Variants in DMXL1 observed in about 807,000 individuals in gnomAD.
The protein encoded by DMXL1 is Dmx like 1.
A neutral mutation model predicts 319.2 loss-of-function variants in DMXL1; 99 were observed. That is an observed-to-expected ratio of 0.31 (90% confidence interval 0.26 to 0.37). The LOEUF (loss-of-function observed/expected upper bound fraction) is 0.37, where lower values mean the gene tolerates loss of function less well. DMXL1 is among the 10% of genes least tolerant of loss of function. The probability of loss-of-function intolerance (pLI) is 1.00; values close to 1 mark genes in which losing one functional copy is unlikely to be tolerated. For missense variants in DMXL1, 3,745 were observed against 3,595.6 expected (o/e 1.04, Z -1.06); for synonymous variants, 1,385 against 1,235.2 (o/e 1.12, Z -2.54).
intron 43 of DMXL1, among the ~76,000 whole-genome samples, chr5:119,244,949 A>G (rs1326986517): frequency 6.6e-6 from 1 of 152,150 alleles, no homozygotes; most frequent in Admixed American, 6.5e-5. Context: ...AGTTTTTCAT[A>G]TATATTATTA....
intron 28 of DMXL1, among the ~76,000 whole-genome samples, chr5:119,187,267 C>T (rs2150358948): frequency 6.6e-6 from 1 of 152,226 alleles, no homozygotes; most frequent in East Asian, 1.9e-4. Context: ...TATTTTCTTT[C>T]TTCTGTTACT....
At chr5:119,163,416 T>A (rs888988071) in intron 19 of DMXL1, among the ~76,000 whole-genome samples, 21 of 152,240 alleles carry the variant, frequency 1.4e-4, no homozygotes, top group Non-Finnish European at 2.6e-4. Context: ...ATTTATTTTT[T>A]GTTTTTATTT....
chr5:119,155,334 G>C (rs1222595908), intron 19 of DMXL1, among the ~76,000 whole-genome samples: 1 of 152,174 alleles, frequency 6.6e-6, no homozygotes, highest in Admixed American at 6.5e-5. Flanking sequence ...CATTCTAGAT[G>C]CCATTGGGGA....
chr5:119,173,601 A>G (rs973957344), intron 25 of DMXL1, among the ~76,000 whole-genome samples: 1 of 151,156 alleles, frequency 6.6e-6, no homozygotes, highest in African/African-American at 2.4e-5. Context: ...GGTCATATGT[A>G]TCTCATCCTC....
chr5:119,121,916 C>A (rs1382625255), intron 9 of DMXL1, among the ~76,000 whole-genome samples: 7 of 137,980 alleles, frequency 5.1e-5, no homozygotes, highest in Non-Finnish European at 7.9e-5. Flanking sequence ...GGGGGCTGAC[C>A]CCCCCCACCT....
rs1325619883 is a variant in DMXL1, at chr5:119,082,016, TATATACACACACACACACACACACAC to T, written c.87+10362_87+10387del. Among the ~76,000 whole-genome samples, 606 of 78,724 alleles carry T rather than the reference TATATACACACACACACACACACACAC, an allele frequency of 7.7e-3. 6 individuals are homozygous for T. Among genetic ancestry groups the T allele is most frequent in the African/African-American group, 0.022 (595 of 27,376 alleles). 51.6% of individuals were successfully genotyped at this position (78,724 alleles called of 152,430 possible). A position where few individuals can be genotyped will look rare whatever the true frequency, so the allele number is the denominator to read the frequency against. Reference sequence around the variant, plus strand: ...TTAAGGTTATATATATATATATATATATATACACACACACACACACACACACACACACACACACACATACACGTATA... The same window carrying T: ...TTAAGGTTATATATATATATATATATACACACACACACACATACACGTATA... On this transcript the variant is annotated intron_variant, in intron 1 of 43. Coordinates refer to ENST00000539542, the MANE Select transcript of DMXL1 (RefSeq NM_001290321.3).
chr5:119,111,527 T>C (rs1255539323), intron 5 of DMXL1, among the ~76,000 whole-genome samples: 1 of 152,244 alleles, frequency 6.6e-6, no homozygotes, highest in Non-Finnish European at 1.5e-5. Context: ...ATTTATGTTA[T>C]ATTGCTGTTC....
chr5:119,212,516 A>T (rs984657014), intron 34 of DMXL1, among the ~76,000 whole-genome samples: 1 of 152,208 alleles, frequency 6.6e-6, no homozygotes, highest in African/African-American at 2.4e-5. Context: ...ATGAACATTG[A>T]TATACAAATA....
intron 39 of DMXL1, among the ~76,000 whole-genome samples, chr5:119,236,015 A>G (rs917940133): frequency 5.2e-4 from 79 of 152,250 alleles, no homozygotes; most frequent in African/African-American, 1.9e-3. Context: ...AACAAATATA[A>G]AAACAGTAGG....
chr5:119,239,062 G>T lies in DMXL1; in HGVS notation c.8633G>T (p.Gly2878Val). 6.2e-7 allele frequency: 1 copy of T among 1,613,736 alleles called. No individual in the cohort carries two copies. The highest frequency in any genetic ancestry group is 8.5e-7 in the Non-Finnish European group (1 of 1,179,904). Residue 2878 changes from glycine to valine, a missense_variant, in exon 41 of 44, where the codon GGT becomes GTT. Around this residue, in one of 4 missense-constraint regions of DMXL1, gnomAD observed 262 missense variants for 320.5 expected, o/e 0.82. Coordinates refer to ENST00000539542, the MANE Select transcript of DMXL1 (RefSeq NM_001290321.3). ...TCCTCCTCTCTGATAGCTACAGCTG[G>T]TCTTTCAACTGACAATAGGTAAGAG... is the stretch of plus-strand genomic sequence containing the variant. Reference protein sequence around the residue: ...VSSSSLIATAGLSTDNRNVCL... With the variant: ...VSSSSLIATAVLSTDNRNVCL...
chr5:119,225,423 C>T (rs542601037), intron 38 of DMXL1, among the ~76,000 whole-genome samples: 1 of 152,004 alleles, frequency 6.6e-6, no homozygotes, highest in African/African-American at 2.4e-5. Flanking sequence ...AATCAATACT[C>T]ATACTGGTGT....
chr5:119,239,523 A>T (rs991596995), intron 41 of DMXL1, among the ~76,000 whole-genome samples: 1 of 152,228 alleles, frequency 6.6e-6, no homozygotes, highest in African/African-American at 2.4e-5. Flanking sequence ...CTGTTAATGT[A>T]TGTCAGTCCA....
Position 119,133,968 on chromosome 5 carries a change from T to C in DMXL1, c.2044T>C (p.Ser682Pro). 1 of 1,614,188 alleles carries C rather than the reference T, an allele frequency of 6.2e-7. No homozygotes were observed. Among genetic ancestry groups the C allele is most frequent in the Non-Finnish European group, 8.5e-7 (1 of 1,180,040 alleles). Residue 682 changes from serine to proline, a missense_variant, in exon 12 of 44, where the codon TCT (serine) becomes CCT (proline). Ser to Pro is a moderately conservative substitution (Grantham distance 74). Coordinates refer to ENST00000539542, the MANE Select transcript of DMXL1 (RefSeq NM_001290321.3). ...PFDALNIEEC[S>P]LTQQNKSTVD... The stretch of plus-strand genomic sequence containing the variant: ...TGATGCTCTAAATATTGAAGAATGC[T>C]CTTTGACACAACAAAATAAAAGCAC...
rs989426592 is a variant in DMXL1 at position 119,071,275 on chromosome 5, C to G, written c.-295C>G. 1.5e-5 allele frequency: 6 copies of G among 407,726 alleles called. No homozygotes were observed. Among genetic ancestry groups the G allele is most frequent in the Admixed American group, 4.6e-5 (1 of 21,848 alleles). The allele number at this position is 407,726 out of a possible 1,614,324, so 25.3% of individuals were successfully genotyped here. A position where few individuals can be genotyped will look rare whatever the true frequency, so the allele number is the denominator to read the frequency against. On this transcript the variant is annotated 5_prime_UTR_variant, in exon 1 of 44. Coordinates refer to ENST00000539542, the MANE Select transcript of DMXL1 (RefSeq NM_001290321.3). Reference sequence around the variant, plus strand: ...CCTGGCCGGTGAGTCGGCCCCGGGTCGTGGCCGGTGAGGGGACCCTGAGCT... The same window carrying G: ...CCTGGCCGGTGAGTCGGCCCCGGGTGGTGGCCGGTGAGGGGACCCTGAGCT...
At chr5:119,169,694 T>A (rs559118761) in intron 23 of DMXL1, among the ~76,000 whole-genome samples, 3 of 152,184 alleles carry the variant, frequency 2.0e-5, no homozygotes, top group Non-Finnish European at 4.4e-5. Flanking sequence ...CAGTGTGAAG[T>A]TGGGACTGGA....
intron 32 of DMXL1, among the ~76,000 whole-genome samples, chr5:119,201,984 AGTCT>A (rs1011390593): frequency 2.0e-5 from 3 of 152,058 alleles, no homozygotes; most frequent in East Asian, 3.9e-4. Flanking sequence ...TCTAGCTGGC[AGTCT>A]GTCTGTCTTA....
At chr5:119,176,240 G>T (rs1775777720) in intron 26 of DMXL1, among the ~76,000 whole-genome samples, 1 of 151,906 alleles carries the variant, frequency 6.6e-6, no homozygotes, top group Non-Finnish European at 1.5e-5. Context: ...TTTGAGTATG[G>T]AGTACTTTAC....
chr5:119,142,434 A>G (rs1387791770), intron 13 of DMXL1, among the ~76,000 whole-genome samples: 1 of 151,728 alleles, frequency 6.6e-6, no homozygotes, highest in East Asian at 1.9e-4. Context: ...TAAAAAGCTC[A>G]ATCACTGATC....
chr5:119,205,637 TTTG>T (rs1781609974), intron 33 of DMXL1, among the ~76,000 whole-genome samples: 1 of 152,156 alleles, frequency 6.6e-6, no homozygotes, highest in African/African-American at 2.4e-5. Flanking sequence ...TTATTAAAAG[TTTG>T]TTGTTATTGC....
Sources: allele counts gnomAD v4.1 joint callset (sites outside exome capture counted in the v4.1 genomes callset), GRCh38; gene constraint gnomAD v4.1.1; regional missense constraint gnomAD v4.1.1; transcripts MANE v1.5; gene names NCBI Gene and HGNC (gene_info 2026-07-23, HGNC 2026-07-21).